The following CAST variants were observed in gnomAD, a reference collection of about 807,000 sequenced individuals.
CAST encodes the protein MIR583 host.
In CAST, 76 loss-of-function variants were observed where a neutral mutation model predicts 119.6. The observed-to-expected ratio is 0.64, with a 90% confidence interval of 0.53 to 0.77. The LOEUF (loss-of-function observed/expected upper bound fraction) is 0.77. CAST is among the 30% of genes least tolerant of loss of function. The pLI, the probability that CAST is intolerant of heterozygous loss-of-function variation, is 0.00. For synonymous variants in CAST, 319 were observed against 331.6 expected (o/e 0.96, Z 0.41); for missense variants, 953 against 946.5 (o/e 1.01, Z -0.09).
chr5:96,553,101 C>A (rs1425458489), intron 1 of CAST, among the ~76,000 whole-genome samples: 7 of 151,906 alleles, frequency 4.6e-5, no homozygotes, highest in African/African-American at 7.3e-5. Flanking sequence ...GGCAGAGACA[C>A]AACAAAAAAA....
chr5:96,557,600 A>C (rs910617954), intron 1 of CAST, among the ~76,000 whole-genome samples: 5 of 152,138 alleles, frequency 3.3e-5, no homozygotes, highest in African/African-American at 1.2e-4. Flanking sequence ...CAAAGATCAA[A>C]AGAGACAAGG....
At chr5:96,516,121 A>C in the CAST span, among the ~76,000 whole-genome samples, 1 of 38,644 alleles carries the variant, frequency 2.6e-5, no homozygotes, top group African/African-American at 8.8e-5. Flanking sequence ...CAGAAGAATT[A>C]TCTATGAAGA....
At chr5:96,562,323 ATC>A in intron 1 of CAST, among the ~76,000 whole-genome samples, 1 of 152,322 alleles carries the variant, frequency 6.6e-6, no homozygotes, top group Admixed American at 6.5e-5. Context: ...AATTATCAAA[ATC>A]ACATGAATAA....
chr5:96,053,366 C>T, the CAST span, among the ~76,000 whole-genome samples: 1 of 152,138 alleles, frequency 6.6e-6, no homozygotes, highest in South Asian at 2.1e-4. Context: ...ATTTGCATTA[C>T]CTATAATTTG....
chr5:96,676,464 C>T (rs1750722628), intron 2 of CAST, among the ~76,000 whole-genome samples: 1 of 152,102 alleles, frequency 6.6e-6, no homozygotes, highest in Admixed American at 6.6e-5. Context: ...TCAAAATAGT[C>T]AATATGTAAG....
At chr5:96,697,785 G>A (rs981408182) in intron 3 of CAST, among the ~76,000 whole-genome samples, 1 of 152,250 alleles carries the variant, frequency 6.6e-6, no homozygotes, top group East Asian at 1.9e-4. Flanking sequence ...TAAAATGAGG[G>A]TTGGACTTCT....
chr5:96,019,307 C>T, the CAST span, among the ~76,000 whole-genome samples: 1 of 152,288 alleles, frequency 6.6e-6, no homozygotes, highest in South Asian at 2.1e-4. Context: ...CTATTCAATA[C>T]ATGTGATTAT....
At chr5:96,593,784 A>C (rs1000514144) in intron 1 of CAST, among the ~76,000 whole-genome samples, 1 of 152,196 alleles carries the variant, frequency 6.6e-6, no homozygotes, top group African/African-American at 2.4e-5. Flanking sequence ...GAATCCAGGA[A>C]GATAGCCATT....
At chr5:96,247,928 T>C in the CAST span, 1 of 152,232 alleles carries the variant, frequency 6.6e-6, no homozygotes, top group Non-Finnish European at 1.5e-5. Flanking sequence ...AGAGATGCAC[T>C]GCTTGGGTAC....
At chr5:96,195,866 A>G in the CAST span, among the ~76,000 whole-genome samples, 1 of 152,200 alleles carries the variant, frequency 6.6e-6, no homozygotes, top group Non-Finnish European at 1.5e-5. Flanking sequence ...AAATACAGGC[A>G]TTTAATATGG....
chr5:96,565,806 G>A (rs1461404109), intron 1 of CAST, among the ~76,000 whole-genome samples: 1 of 152,104 alleles, frequency 6.6e-6, no homozygotes, highest in Non-Finnish European at 1.5e-5. Context: ...TCTCCTACAG[G>A]GTAATTGGTG....
At chr5:96,432,952 A>G in the CAST span, 2 of 1,614,228 alleles carry the variant, frequency 1.2e-6, no homozygotes, top group Non-Finnish European at 1.7e-6. Context: ...TCATTGACAA[A>G]TTGCCTTTTC....
chr5:96,501,546 G>A, the CAST span, among the ~76,000 whole-genome samples: 1 of 152,198 alleles, frequency 6.6e-6, no homozygotes, highest in Non-Finnish European at 1.5e-5. Flanking sequence ...ATTTGTGATA[G>A]CTGCAAAAAT....
At chr5:96,037,939 C>A in the CAST span, among the ~76,000 whole-genome samples, 1 of 152,112 alleles carries the variant, frequency 6.6e-6, no homozygotes, top group Non-Finnish European at 1.5e-5. Context: ...GTCCACATGG[C>A]CTTTTCACAT....
At chr5:96,249,595 G>A in the CAST span, among the ~76,000 whole-genome samples, 65 of 152,228 alleles carry the variant, frequency 4.3e-4, no homozygotes, top group Middle Eastern at 3.4e-3. Flanking sequence ...TGGACAAATT[G>A]AAGACATTTC....
chr5:96,618,536 G>A (rs193162367), intron 1 of CAST, among the ~76,000 whole-genome samples: 1 of 152,252 alleles, frequency 6.6e-6, no homozygotes, highest in Non-Finnish European at 1.5e-5. Context: ...GGGAACCGGG[G>A]CTGCGCATGG....
At chr5:96,229,200 T>C in the CAST span, among the ~76,000 whole-genome samples, 1 of 151,520 alleles carries the variant, frequency 6.6e-6, no homozygotes, top group South Asian at 2.1e-4. Context: ...TCATGAACTG[T>C]ATCACAAACA....
chr5:96,086,996 A>G, the CAST span, among the ~76,000 whole-genome samples: 1 of 152,248 alleles, frequency 6.6e-6, no homozygotes, highest in Non-Finnish European at 1.5e-5. Flanking sequence ...CTGAAACAAA[A>G]TATAGTTTAA....
intron 1 of CAST, among the ~76,000 whole-genome samples, chr5:96,590,524 C>T (rs1001231282): frequency 1.3e-5 from 2 of 152,182 alleles, no homozygotes; most frequent in East Asian, 3.8e-4. Flanking sequence ...CCCTTAACCC[C>T]AGTGTGCCAT....
Sources: gnomAD v4.1 joint callset for allele counts (sites outside exome capture counted in the v4.1 genomes callset) on GRCh38, gnomAD v4.1.1 for gene constraint, MANE v1.5 for transcripts, NCBI Gene and HGNC (gene_info 2026-07-23, HGNC 2026-07-21) for gene names.